The following KCNQ1 variants were observed in gnomAD, a reference collection of about 807,000 sequenced individuals.
The protein encoded by KCNQ1 is potassium voltage-gated channel subfamily KQT member 1.
A neutral mutation model predicts 72.4 loss-of-function variants in KCNQ1; 49 were observed. The observed-to-expected ratio is 0.68, with a 90% CI of 0.54 to 0.86. The LOEUF (loss-of-function observed/expected upper bound fraction) is 0.86, where lower values mean the gene tolerates loss of function less well. Among genes scored for constraint, KCNQ1 ranks in the 40% least tolerant of loss-of-function variants. The pLI is 0.00. For synonymous variants in KCNQ1, 450 were observed against 412.6 expected (o/e 1.09, Z -1.10); for missense variants, 790 against 945.1 (o/e 0.84, Z 2.15).
At chr11:2,505,701 G>A (rs563169314) in intron 1 of KCNQ1, among the ~76,000 whole-genome samples, 2 of 152,242 alleles carry the variant, frequency 1.3e-5, no homozygotes, top group African/African-American at 2.4e-5. Flanking sequence ...TTGCAGCCTC[G>A]AACCTTTAAG....
At chr11:2,522,361 C>T (rs1284532313) in intron 1 of KCNQ1, among the ~76,000 whole-genome samples, 1 of 152,168 alleles carries the variant, frequency 6.6e-6, no homozygotes, top group African/African-American at 2.4e-5. Flanking sequence ...GATTCGTCCT[C>T]TCCCAGGGCC....
chr11:2,790,694 G>A (rs1456261381), intron 15 of KCNQ1, among the ~76,000 whole-genome samples: 1 of 152,224 alleles, frequency 6.6e-6, no homozygotes, highest in Non-Finnish European at 1.5e-5. Flanking sequence ...CCAGTGGAGG[G>A]GACAGGCACC....
rs1272299922 is a variant in KCNQ1, at chr11:2,482,632, A to C, written c.386+37148A>C. Among the ~76,000 whole-genome samples the C allele has an allele frequency of 6.6e-6, 1 of 151,916 alleles. No individual in the cohort carries two copies. The highest frequency in any genetic ancestry group is 2.4e-5 in the African/African-American group (1 of 41,284). ...GCTTCCTACTGTGCTGCTGGACATC[A>C]CTGACTCCCCCCGCCAACCCCCACC... On this transcript the variant is annotated intron_variant, in intron 1 of 15. Coordinates refer to ENST00000155840, the MANE Select transcript of KCNQ1 (RefSeq NM_000218.3). The surrounding 1 kb of genome is among the most constrained non-coding windows in gnomAD (Gnocchi z 5.7).
At chr11:2,791,848 G>A (rs1445911905) in intron 15 of KCNQ1, among the ~76,000 whole-genome samples, 1 of 152,220 alleles carries the variant, frequency 6.6e-6, no homozygotes, top group South Asian at 2.1e-4. Context: ...GCAGGTGGGG[G>A]CTTCCGCCTC....
At chr11:2,797,732 C>T (rs1172346034) in intron 15 of KCNQ1, among the ~76,000 whole-genome samples, 1 of 152,138 alleles carries the variant, frequency 6.6e-6, no homozygotes, top group Admixed American at 6.5e-5. Flanking sequence ...GTGTGCGGGA[C>T]CTTTTTACAG....
chr11:2,522,394 T>C (rs948058945), intron 1 of KCNQ1, among the ~76,000 whole-genome samples: 1 of 151,718 alleles, frequency 6.6e-6, no homozygotes, highest in African/African-American at 2.4e-5. Context: ...CTCTGCAGAG[T>C]GGGGGGCTGT....
chr11:2,639,199 C>G (rs1246782679), intron 10 of KCNQ1: 1 of 152,204 alleles, frequency 6.6e-6, no homozygotes, highest in Non-Finnish European at 1.5e-5. Context: ...TGTCTGAAGC[C>G]TTCCTCTCTC....
chr11:2,746,407 CCTA>C lies in KCNQ1; in HGVS notation c.1515-22434_1515-22432del, dbSNP rs1395439472. Among the ~76,000 whole-genome samples, 5 of 152,250 alleles carry C rather than the reference CCTA, an allele frequency of 3.3e-5. No individual in the cohort carries two copies. In the East Asian group the frequency reaches 5.8e-4, roughly 18 times the overall value. ...GCTTGATGCAGATTTCCTCAGTTTC[CCTA>C]CTGTCTTTTTTCTCTCCCCGGGCCC... On this transcript the variant is annotated intron_variant, in intron 11 of 15. Coordinates refer to ENST00000155840, the MANE Select transcript of KCNQ1 (RefSeq NM_000218.3). This position sits in a 1 kb window ranked among gnomAD's most constrained non-coding sequence, Gnocchi z 5.9.
chr11:2,513,736 TCTC>T (rs1443987285), intron 1 of KCNQ1, among the ~76,000 whole-genome samples: 1 of 152,162 alleles, frequency 6.6e-6, no homozygotes, highest in African/African-American at 2.4e-5. Context: ...CAGGTTGGGT[TCTC>T]CTCTCTCCTC....
chr11:2,539,157 C>T (rs1401954546), intron 2 of KCNQ1, among the ~76,000 whole-genome samples: 1 of 152,154 alleles, frequency 6.6e-6, no homozygotes, highest in African/African-American at 2.4e-5. Context: ...TGCCTGTTCC[C>T]CATTGCTCCT....
Position 2,695,927 on chromosome 11 carries a change from G to A in KCNQ1, c.1514+33846G>A, listed in dbSNP as rs192215302. ...TTCTTAATGATTTGTGGTGCTTTCT[G>A]GTATATTTTAGCTGTTGTTCCCTCC... is the stretch of plus-strand genomic sequence containing the variant. On this transcript the variant is annotated intron_variant, in intron 11 of 15. Coordinates refer to ENST00000155840, the MANE Select transcript of KCNQ1 (RefSeq NM_000218.3). This position sits in a 1 kb window ranked among gnomAD's most constrained non-coding sequence, Gnocchi z 5.2. The A allele has an allele frequency of 7.5e-6, 3 of 398,480 alleles. No homozygotes were observed. The highest frequency in any genetic ancestry group is 8.8e-5 in the Admixed American group (2 of 22,718). The allele number at this position is 398,480 out of a possible 1,614,324, so 24.7% of individuals were successfully genotyped here. A position where few individuals can be genotyped will look rare whatever the true frequency, so the allele number is the denominator to read the frequency against.
rs1848224781 is a variant in KCNQ1 at position 2,564,956 on chromosome 11, A to T, written c.478-5672A>T. ...GGCCAAATCCTATTCCGTGGTAGGG[A>T]GGGACCACATCTTCCGTCTCCGTCG... On this transcript the variant is annotated intron_variant, in intron 2 of 15. Coordinates refer to ENST00000155840, the MANE Select transcript of KCNQ1 (RefSeq NM_000218.3). This position sits in a 1 kb window ranked among gnomAD's most constrained non-coding sequence, Gnocchi z 4.5. Among the ~76,000 whole-genome samples, 1 of 152,132 alleles carries T rather than the reference A, an allele frequency of 6.6e-6. No individual in the cohort carries two copies. The highest frequency in any genetic ancestry group is 2.4e-5 in the African/African-American group (1 of 41,426).
chr11:2,559,543 T>C lies in KCNQ1; in HGVS notation c.478-11085T>C, dbSNP rs1002075730. ...CGGGATGTGGGGACCAGACGACAGCTGTCACCCACTTGCAGGGCCCGGCTG... is the reference window on the plus strand; with the variant it reads ...CGGGATGTGGGGACCAGACGACAGCCGTCACCCACTTGCAGGGCCCGGCTG... On this transcript the variant is annotated intron_variant, in intron 2 of 15. Coordinates refer to ENST00000155840, the MANE Select transcript of KCNQ1 (RefSeq NM_000218.3). This position sits in a 1 kb window ranked among gnomAD's most constrained non-coding sequence, Gnocchi z 4.9. Among the ~76,000 whole-genome samples, 8 of 152,304 alleles carry C rather than the reference T, an allele frequency of 5.3e-5. No individual in the cohort carries two copies. The highest frequency in any genetic ancestry group is 1.2e-4 in the Non-Finnish European group (8 of 68,016).
intron 10 of KCNQ1, chr11:2,609,789 G>A (rs1287159825): frequency 5.0e-6 from 2 of 397,992 alleles, no homozygotes; most frequent in Non-Finnish European, 8.9e-6. Flanking sequence ...TTTAACTTCA[G>A]TAACATTCTT....
intron 2 of KCNQ1, among the ~76,000 whole-genome samples, chr11:2,548,884 G>A (rs539211122): frequency 1.3e-5 from 2 of 152,354 alleles, no homozygotes; most frequent in Admixed American, 6.5e-5. Context: ...CGACTTTGGG[G>A]TAAAGTGAGG....
At chr11:2,763,416 T>G (rs1026114544) in intron 11 of KCNQ1, among the ~76,000 whole-genome samples, 1 of 128,098 alleles carries the variant, frequency 7.8e-6, no homozygotes, top group African/African-American at 2.9e-5. Flanking sequence ...AAAAAAAAAA[T>G]AAGAAAGAAA....
Position 2,608,107 on chromosome 11 carries a change from G to A in KCNQ1, c.1393+19253G>A, listed in dbSNP as rs1235214296. On this transcript the variant is annotated intron_variant, in intron 10 of 15. Coordinates refer to ENST00000155840, the MANE Select transcript of KCNQ1 (RefSeq NM_000218.3). The surrounding 1 kb of genome is among the most constrained non-coding windows in gnomAD (Gnocchi z 4.6). ...TCTTTTCATGTTTTTGTCTGGTTTT[G>A]GTGTCAGGGTGATACTGGACTGAAA... 6.6e-6 allele frequency among the ~76,000 whole-genome samples: 1 copy of A among 152,070 alleles called. No individual in the cohort carries two copies. The highest frequency in any genetic ancestry group is 1.5e-5 in the Non-Finnish European group (1 of 68,016).
chr11:2,833,956 C>A (rs1187813624), intron 15 of KCNQ1, among the ~76,000 whole-genome samples: 1 of 152,236 alleles, frequency 6.6e-6, no homozygotes, highest in African/African-American at 2.4e-5. Context: ...CTCCTCACCC[C>A]CTTCCCAGGC....
chr11:2,562,413 G>A lies in KCNQ1; in HGVS notation c.478-8215G>A, dbSNP rs1848185517. 6.6e-6 allele frequency among the ~76,000 whole-genome samples: 1 copy of A among 152,192 alleles called. No homozygotes were observed. The highest frequency in any genetic ancestry group is 1.9e-4 in the East Asian group (1 of 5,196). On this transcript the variant is annotated intron_variant, in intron 2 of 15. Coordinates refer to ENST00000155840, the MANE Select transcript of KCNQ1 (RefSeq NM_000218.3). The surrounding 1 kb of genome is among the most constrained non-coding windows in gnomAD (Gnocchi z 7.5). ...CTGACCCTCCCCGGAGCCGAGGCTG[G>A]CTCTCTCTGTGGCTTATCAGGGCCG...
Sources: allele counts gnomAD v4.1 joint callset (sites outside exome capture counted in the v4.1 genomes callset), GRCh38; gene constraint gnomAD v4.1.1; non-coding constraint Gnocchi (gnomAD v3.1); transcripts MANE v1.5; gene names NCBI Gene and HGNC (gene_info 2026-07-23, HGNC 2026-07-21).